Variants in LARGE1 observed in about 807,000 individuals in gnomAD.
LARGE1 encodes the protein LARGE xylosyl- and glucuronyltransferase 1, also known as xylosyl- and glucuronyltransferase LARGE1.
A neutral mutation model predicts 87.6 loss-of-function variants in LARGE1; 43 were observed. The observed-to-expected ratio is 0.49, with a 90% CI of 0.38 to 0.63. The LOEUF (loss-of-function observed/expected upper bound fraction) is 0.63. Ranked by LOEUF, LARGE1 falls within the 30% of genes least tolerant of loss-of-function variation. The probability of loss-of-function intolerance (pLI) is 0.00; values close to 1 mark genes in which losing one functional copy is unlikely to be tolerated. For synonymous variants in LARGE1, 434 were observed against 394.6 expected (o/e 1.10, Z -1.18); for missense variants, 802 against 1,000.2 (o/e 0.80, Z 2.67).
At chr22:33,536,894 C>G (rs932557190) in intron 6 of LARGE1, among the ~76,000 whole-genome samples, 2 of 152,250 alleles carry the variant, frequency 1.3e-5, no homozygotes, top group East Asian at 3.8e-4. Context: ...TCACTACAAC[C>G]TCTGCCTCCC....
the LARGE1 span, among the ~76,000 whole-genome samples, chr22:33,128,795 G>C: frequency 6.6e-6 from 1 of 152,154 alleles, no homozygotes; most frequent in South Asian, 2.1e-4. Flanking sequence ...GTGCTTTGCA[G>C]GGACATGGAT....
chr22:33,815,236 G>T (rs538927347), intron 1 of LARGE1, among the ~76,000 whole-genome samples: 1 of 152,286 alleles, frequency 6.6e-6, no homozygotes, highest in African/African-American at 2.4e-5. Flanking sequence ...GACCAAAGGA[G>T]AACTGAAGAA....
chr22:33,467,605 T>C (rs1275885986), intron 6 of LARGE1, among the ~76,000 whole-genome samples: 2 of 152,220 alleles, frequency 1.3e-5, no homozygotes, highest in Non-Finnish European at 2.9e-5. Flanking sequence ...GCATCGCCCA[T>C]AATGAATTCT....
At chr22:33,872,224 C>T (rs973913693) in intron 1 of LARGE1, among the ~76,000 whole-genome samples, 2 of 151,942 alleles carry the variant, frequency 1.3e-5, no homozygotes, top group African/African-American at 4.8e-5. Context: ...CAGACTCTGA[C>T]GTGACACTGC....
intron 1 of LARGE1, among the ~76,000 whole-genome samples, chr22:33,843,876 G>A (rs1416048751): frequency 2.0e-5 from 3 of 152,012 alleles, no homozygotes; most frequent in South Asian, 2.1e-4. Context: ...TCAGCAGTTC[G>A]AGACCAGGCT....
chr22:33,586,960 G>T (rs1314303192), intron 5 of LARGE1, among the ~76,000 whole-genome samples: 1 of 152,154 alleles, frequency 6.6e-6, no homozygotes, highest in Non-Finnish European at 1.5e-5. Flanking sequence ...ACTGTCATAT[G>T]ATCTGCCTTT....
chr22:33,133,223 C>G, the LARGE1 span, among the ~76,000 whole-genome samples: 1 of 151,920 alleles, frequency 6.6e-6, no homozygotes, highest in South Asian at 2.1e-4. Flanking sequence ...GGTATATGTG[C>G]AGAACGTGCA....
rs200206290 is a variant in LARGE1 at position 33,872,355 on chromosome 22, CTATCTATTATTATTAT to C, written c.-83+47624_-83+47639del. Reference sequence around the variant, plus strand: ...GCACAGAGCAGACACGCAGTAAATGCTATCTATTATTATTATTATTATTATTATTATTATTATTATT... The same window carrying C: ...GCACAGAGCAGACACGCAGTAAATGCTATTATTATTATTATTATTATTATT... On this transcript the variant is annotated intron_variant, in intron 1 of 14. Transcript: ENST00000397394. 8.4e-3 allele frequency among the ~76,000 whole-genome samples: 1,120 copies of C among 133,838 alleles called. 26 individuals are homozygous for C. Among genetic ancestry groups the C allele is most frequent in the African/African-American group, 0.032 (1,066 of 33,646 alleles). 87.8% of individuals were successfully genotyped at this position (133,838 alleles called of 152,430 possible).
At chr22:33,267,551 G>C (rs969412651), downstream of LARGE1, among the ~76,000 whole-genome samples, 10 of 151,562 alleles carry the variant, frequency 6.6e-5, no homozygotes. Context: ...GACTGCAGAA[G>C]GCATCACTTA....
intron 1 of LARGE1, among the ~76,000 whole-genome samples, chr22:33,838,522 C>T (rs951131280): frequency 1.3e-5 from 2 of 152,130 alleles, no homozygotes; most frequent in African/African-American, 4.8e-5. Flanking sequence ...GCCTGCAGTC[C>T]CAGCTACTTG....
In LARGE1 at chr22:33,865,832, CTTTTTTTTTTTTTTT is replaced by C. The variant is rs3072359; in HGVS notation, c.-83+54148_-83+54162del. Among the ~76,000 whole-genome samples, 63 of 28,390 alleles carry C rather than the reference CTTTTTTTTTTTTTTT, an allele frequency of 2.2e-3. 1 individual carries two copies. The highest frequency in any genetic ancestry group is 5.9e-3 in the African/African-American group (55 of 9,346). The allele number at this position is 28,390 out of a possible 152,430, so 18.6% of individuals were successfully genotyped here. A position where few individuals can be genotyped will look rare whatever the true frequency, so the allele number is the denominator to read the frequency against. ...TAAGCATTCAATGTTAGCTGTTATT[CTTTTTTTTTTTTTTT>C]TTTTTTTTTTTTTTTTTTTTTGACA... On this transcript the variant is annotated intron_variant, in intron 1 of 14. Coordinates refer to ENST00000397394, the MANE Select transcript of LARGE1 (RefSeq NM_133642.5).
chr22:33,351,121 C>T (rs1940331456), intron 9 of LARGE1, among the ~76,000 whole-genome samples: 1 of 152,212 alleles, frequency 6.6e-6, no homozygotes, highest in Admixed American at 6.5e-5. Flanking sequence ...AGAGCAAAGG[C>T]CTGCACTGTC....
chr22:33,696,435 T>C (rs528523335), intron 2 of LARGE1, among the ~76,000 whole-genome samples: 1 of 152,076 alleles, frequency 6.6e-6, no homozygotes, highest in Non-Finnish European at 1.5e-5. Context: ...AGCTAATTTT[T>C]TGTATTTTTA....
chr22:33,470,142 A>T (rs2068772592), intron 6 of LARGE1, among the ~76,000 whole-genome samples: 1 of 151,990 alleles, frequency 6.6e-6, no homozygotes, highest in Non-Finnish European at 1.5e-5. Flanking sequence ...CACCCGCCTC[A>T]GCCTCACAAA....
the LARGE1 span, among the ~76,000 whole-genome samples, chr22:33,090,200 G>A: frequency 8.5e-5 from 13 of 152,146 alleles, no homozygotes; most frequent in Admixed American, 2.0e-4. Context: ...GCAAGACTCC[G>A]TCTCAATAAC....
intron 7 of LARGE1, among the ~76,000 whole-genome samples, chr22:33,384,512 C>T (rs558207059): frequency 2.4e-4 from 30 of 125,190 alleles, no homozygotes; most frequent in African/African-American, 6.1e-4. Flanking sequence ...GAGACGAATA[C>T]ACCTGGGTTC....
intron 11 of LARGE1, among the ~76,000 whole-genome samples, chr22:33,191,288 A>T (rs1003251648): frequency 2.0e-5 from 3 of 152,174 alleles, no homozygotes; most frequent in Non-Finnish European, 4.4e-5. Flanking sequence ...ACTAAAAAAG[A>T]ATTTAAACAG....
At chr22:33,078,138 A>C in the LARGE1 span, among the ~76,000 whole-genome samples, 1 of 152,118 alleles carries the variant, frequency 6.6e-6, no homozygotes, top group Non-Finnish European at 1.5e-5. Context: ...CTTTGCCTCC[A>C]TCCATCTGAA....
At chr22:33,528,130 C>A (rs542650856) in intron 6 of LARGE1, among the ~76,000 whole-genome samples, 1 of 13,828 alleles carries the variant, frequency 7.2e-5, no homozygotes, top group South Asian at 3.5e-3. Flanking sequence ...TGGCAGAGGT[C>A]GGGGGGGGCG....
Sources: allele counts gnomAD v4.1 joint callset (sites outside exome capture counted in the v4.1 genomes callset), GRCh38; gene constraint gnomAD v4.1.1; transcripts MANE v1.5; gene names NCBI Gene and HGNC (gene_info 2026-07-23, HGNC 2026-07-21).